The following ZNF143 variants were observed in gnomAD, a reference collection of about 807,000 sequenced individuals.
ZNF143 encodes SPH-binding factor.
In ZNF143, 49 loss-of-function variants were observed where a neutral mutation model predicts 74.1. The ratio of observed to expected loss-of-function variants is 0.66; its 90% CI spans 0.53 to 0.84. The LOEUF is 0.84. Among genes scored for constraint, ZNF143 ranks in the 40% least tolerant of loss-of-function variants. The pLI is 0.00. For synonymous variants in ZNF143, 304 were observed against 282.8 expected (o/e 1.07, Z -0.75); for missense variants, 637 against 793.4 (o/e 0.80, Z 2.37).
chr11:9,503,223 C>T (rs1234941260), intron 11 of ZNF143, among the ~76,000 whole-genome samples: 1 of 141,142 alleles, frequency 7.1e-6, no homozygotes, highest in East Asian at 2.1e-4. Flanking sequence ...TATGGATGTA[C>T]TACATTTTGT....
chr11:9,493,071 C>CT (rs148050807), intron 7 of ZNF143, among the ~76,000 whole-genome samples: 4,384 of 137,322 alleles, frequency 0.032, 144 homozygotes, highest in African/African-American at 0.073. Context: ...ATTATGCCTA[C>CT]TTTTTTTTTT....
chr11:9,500,944 A>G (rs892904021), intron 10 of ZNF143, 147 bp from the exon 11 acceptor site: 2 of 870,694 alleles, frequency 2.3e-6, no homozygotes, highest in African/African-American at 3.4e-5. Flanking sequence ...CTGTTTCCCC[A>G]ACCCCCCCAA....
chr11:9,497,492 A>T (rs1376941665), intron 9 of ZNF143, among the ~76,000 whole-genome samples, 183 bp from the exon 10 acceptor site: 1 of 152,144 alleles, frequency 6.6e-6, no homozygotes, highest in African/African-American at 2.4e-5. Context: ...TGGCATTCCA[A>T]AGTGCTGGGG....
intron 14 of ZNF143, among the ~76,000 whole-genome samples, chr11:9,521,597 G>C (rs779503347): frequency 6.7e-6 from 1 of 150,238 alleles, no homozygotes; most frequent in South Asian, 2.1e-4. Flanking sequence ...TGTTGTTGTT[G>C]TTTTTTACTA....
Position 9,525,090 on chromosome 11 carries a change from ACCT to A in ZNF143, c.1687-146_1687-144del, listed in dbSNP as rs1483645889. 5.6e-6 allele frequency: 5 copies of A among 890,630 alleles called. No homozygotes were observed. The South Asian group carries it at 7.0e-5, about 13-fold the overall frequency. 55.2% of individuals were successfully genotyped at this position (890,630 alleles called of 1,614,324 possible). ...AATGAGCCTCAACTTCCTCAAATAA[ACCT>A]CCTTTCAATATAGGCTTTGACAAGT... is the stretch of plus-strand genomic sequence containing the variant. On this transcript the variant is annotated intron_variant, in intron 14 of 15. Transcript: ENST00000396602.
intron 11 of ZNF143, 21 bp downstream of exon 11, chr11:9,501,291 GGTCTTTT>G: frequency 6.2e-7 from 1 of 1,607,992 alleles, no homozygotes; most frequent in Non-Finnish European, 8.5e-7. Context: ...CTGATCTTTT[GGTCTTTT>G]ATCTTTCAAG....
At chr11:9,469,147 G>C (rs1216561126) in intron 1 of ZNF143, among the ~76,000 whole-genome samples, 1 of 145,988 alleles carries the variant, frequency 6.8e-6, no homozygotes, top group Non-Finnish European at 1.5e-5. Flanking sequence ...AAAAAAAGTA[G>C]AGTAATGCAG....
chr11:9,467,226 A>G (rs1011319723), intron 1 of ZNF143, among the ~76,000 whole-genome samples: 1 of 117,592 alleles, frequency 8.5e-6, no homozygotes, highest in African/African-American at 3.2e-5. Flanking sequence ...GAGGGGATGA[A>G]AAAGGAAAGT....
At chr11:9,506,112 C>G (rs1486900623) in intron 11 of ZNF143, among the ~76,000 whole-genome samples, 1 of 152,088 alleles carries the variant, frequency 6.6e-6, no homozygotes, top group South Asian at 2.1e-4. Flanking sequence ...GGGTGGATCA[C>G]TTGAGGTCAG....
intron 14 of ZNF143, among the ~76,000 whole-genome samples, chr11:9,518,964 G>A (rs558181748): frequency 2.0e-5 from 3 of 152,148 alleles, no homozygotes; most frequent in Non-Finnish European, 4.4e-5. Context: ...CACTGGTGAA[G>A]TTAAGCCTGT....
At chr11:9,508,372 C>G (rs1848433032) in intron 11 of ZNF143, among the ~76,000 whole-genome samples, 1 of 152,172 alleles carries the variant, frequency 6.6e-6, no homozygotes, top group African/African-American at 2.4e-5. Context: ...CCATCCTTTT[C>G]TCATTCCTTG....
At position 9,471,384 on chromosome 11, in the gene ZNF143, G is replaced by A. The variant is rs1315410403; in HGVS notation, c.76G>A (p.Val26Ile). Residue 26 changes from valine to isoleucine, a missense_variant, in exon 2 of 16, where the codon GTT becomes ATT. Physicochemically the swap from Val to Ile is conservative, Grantham distance 29. This residue lies in a region of ZNF143 where 293 missense variants were observed against 307.8 expected (regional missense o/e 0.95). Transcript: ENST00000396602. ...TGGAGGAGGGATGGAGGCGCAACAT[G>A]TTACGCTGTGCTTGACAGAGGCAGT... ...FPGGGMEAQHVTLCLTEAVTV... is the reference protein window; with the variant it reads ...FPGGGMEAQHITLCLTEAVTV... 2 of 1,612,464 alleles carry A rather than the reference G, an allele frequency of 1.2e-6. No individual in the cohort carries two copies. The highest frequency in any genetic ancestry group is 1.7e-6 in the Non-Finnish European group (2 of 1,179,492).
chr11:9,462,560 A>G (rs1430619824), intron 1 of ZNF143, among the ~76,000 whole-genome samples: 1 of 71,446 alleles, frequency 1.4e-5, no homozygotes, highest in Non-Finnish European at 4.7e-5. Context: ...CCGGTCTCGA[A>G]AAAAAAAAAA....
At chr11:9,509,237 C>T (rs1026914849) in intron 12 of ZNF143, among the ~76,000 whole-genome samples, 1 of 152,162 alleles carries the variant, frequency 6.6e-6, no homozygotes, top group African/African-American at 2.4e-5. Context: ...TGAAGCCTGG[C>T]CAGTTAGGGC....
At chr11:9,477,113 C>CCTT (rs1554962348) in intron 5 of ZNF143, among the ~76,000 whole-genome samples, 1 of 70,452 alleles carries the variant, frequency 1.4e-5, no homozygotes, top group Non-Finnish European at 2.8e-5. Flanking sequence ...AAGTCTGCAC[C>CCTT]CCTTCCTTCC....
At chr11:9,514,577 G>T (rs918940041) in intron 13 of ZNF143, among the ~76,000 whole-genome samples, 1 of 152,208 alleles carries the variant, frequency 6.6e-6, no homozygotes, top group African/African-American at 2.4e-5. Context: ...CTGGAGGAGA[G>T]AGTAAATTTT....
chr11:9,522,407 A>T (rs1294434473), intron 14 of ZNF143, among the ~76,000 whole-genome samples: 1 of 152,042 alleles, frequency 6.6e-6, no homozygotes, highest in Non-Finnish European at 1.5e-5. Context: ...AAAAAAATTT[A>T]AATTGTCTAC....
At chr11:9,514,591 TC>T (rs1848660371) in intron 13 of ZNF143, among the ~76,000 whole-genome samples, 1 of 152,210 alleles carries the variant, frequency 6.6e-6, no homozygotes, top group African/African-American at 2.4e-5. Context: ...AAATTTTTCT[TC>T]CTAAAGTAAT....
intron 11 of ZNF143, among the ~76,000 whole-genome samples, chr11:9,505,948 A>C (rs1848349336): frequency 6.6e-6 from 1 of 152,012 alleles, no homozygotes; most frequent in Admixed American, 6.6e-5. Flanking sequence ...ATATGTGCTT[A>C]AGTGCCTTTT....
Sources: allele counts gnomAD v4.1 joint callset (sites outside exome capture counted in the v4.1 genomes callset), GRCh38; gene constraint gnomAD v4.1.1; regional missense constraint gnomAD v4.1.1; transcripts MANE v1.5; gene names NCBI Gene and HGNC (gene_info 2026-07-23, HGNC 2026-07-21).